Variants in NBAS observed in about 807,000 individuals in gnomAD.
NBAS encodes NAG/BC035112 fusion.
NBAS carries 219 observed loss-of-function variants against 302.5 expected under a neutral mutation model. The ratio of observed to expected loss-of-function variants is 0.72; its 90% confidence interval spans 0.65 to 0.81. NBAS has a LOEUF of 0.81. NBAS is among the 30% of genes least tolerant of loss of function. The pLI, the probability that NBAS is intolerant of heterozygous loss-of-function variation, is 0.00. For missense variants in NBAS, 2,932 were observed against 2,841.6 expected, an observed-to-expected ratio of 1.03 and a Z score of -0.72; for synonymous variants, 1,118 against 1,021.6, an observed-to-expected ratio of 1.09 and a Z score of -1.80.
chr2:15,299,959 A>G (rs1028027707), intron 40 of NBAS, among the ~76,000 whole-genome samples: 7 of 152,252 alleles, frequency 4.6e-5, no homozygotes, highest in Non-Finnish European at 8.8e-5. Flanking sequence ...GTTAATTAGA[A>G]CAAATACTAG....
At chr2:15,249,149 GCT>G (rs2147979736) in intron 44 of NBAS, among the ~76,000 whole-genome samples, 1 of 152,194 alleles carries the variant, frequency 6.6e-6, no homozygotes, top group Admixed American at 6.5e-5. Flanking sequence ...GGGATGCGAG[GCT>G]GGTTCAACAT....
intron 32 of NBAS, among the ~76,000 whole-genome samples, chr2:15,365,456 G>A (rs529054877): frequency 6.6e-6 from 1 of 152,310 alleles, no homozygotes; most frequent in East Asian, 1.9e-4. Flanking sequence ...AAGAAAGGGG[G>A]TATCATTCCT....
the NBAS span, among the ~76,000 whole-genome samples, chr2:15,136,506 G>T: frequency 6.6e-6 from 1 of 152,328 alleles, no homozygotes; most frequent in Non-Finnish European, 1.5e-5. Flanking sequence ...GTTTGGCAGA[G>T]GGCTGGATTT....
At chr2:14,822,887 T>A in the NBAS span, among the ~76,000 whole-genome samples, 1 of 152,186 alleles carries the variant, frequency 6.6e-6, no homozygotes, top group Non-Finnish European at 1.5e-5. Context: ...CTAAATGTAA[T>A]ATTTCACTTA....
In NBAS at chr2:15,458,076, C is replaced by T. The variant is rs146545598; in HGVS notation, c.2339+3125G>A. 4.8e-3 allele frequency among the ~76,000 whole-genome samples: 725 copies of T among 152,254 alleles called. 8 individuals are homozygous for T. The highest frequency in any genetic ancestry group is 0.016 in the African/African-American group (672 of 41,548). Reference sequence around the variant, plus strand: ...GTATACTCACTATACAAGCGCCGCCCTAACTGGGATCTGAACATAAGGAAG... The same window carrying T: ...GTATACTCACTATACAAGCGCCGCCTTAACTGGGATCTGAACATAAGGAAG... On this transcript the variant is annotated intron_variant, in intron 21 of 51. Transcript: ENST00000281513.
At chr2:14,966,943 G>A in the NBAS span, among the ~76,000 whole-genome samples, 5 of 152,192 alleles carry the variant, frequency 3.3e-5, no homozygotes, top group South Asian at 1.0e-3. Flanking sequence ...AGTGAGTTTA[G>A]CAAGGTTTTG....
At chr2:14,857,946 A>C in the NBAS span, among the ~76,000 whole-genome samples, 9 of 152,166 alleles carry the variant, frequency 5.9e-5, no homozygotes, top group Non-Finnish European at 1.2e-4. Context: ...TAATAACTAG[A>C]ATATATAAGG....
chr2:15,557,799 A>G (rs1384200854), intron 2 of NBAS, among the ~76,000 whole-genome samples: 2 of 152,130 alleles, frequency 1.3e-5, no homozygotes, highest in African/African-American at 4.8e-5. Flanking sequence ...TGATAAAAGG[A>G]CTCTATTAAT....
At chr2:14,998,953 T>C in the NBAS span, among the ~76,000 whole-genome samples, 177 of 152,294 alleles carry the variant, frequency 1.2e-3, no homozygotes, top group Admixed American at 2.4e-3. Context: ...TTAGTCCTAA[T>C]TAATGTTCAG....
At chr2:15,222,850 G>A (rs1667006443) in intron 47 of NBAS, among the ~76,000 whole-genome samples, 1 of 152,064 alleles carries the variant, frequency 6.6e-6, no homozygotes, top group African/African-American at 2.4e-5. Context: ...AGATATAGAA[G>A]GATTATCACT....
At chr2:14,848,542 C>T in the NBAS span, among the ~76,000 whole-genome samples, 5 of 142,480 alleles carry the variant, frequency 3.5e-5, no homozygotes, top group Admixed American at 2.7e-4. Context: ...GTAAACAAAG[C>T]GGCCAGGAAG....
chr2:14,784,842 C>A, the NBAS span, among the ~76,000 whole-genome samples: 1 of 152,072 alleles, frequency 6.6e-6, no homozygotes, highest in East Asian at 1.9e-4. Flanking sequence ...GCAGTTTTTT[C>A]CAATTCTGTG....
chr2:15,493,679 A>G (rs1680956344), intron 11 of NBAS, among the ~76,000 whole-genome samples: 2 of 152,100 alleles, frequency 1.3e-5, no homozygotes, highest in African/African-American at 2.4e-5. Flanking sequence ...AAAGAAAAAA[A>G]AAAAAAAGGT....
At chr2:15,339,704 A>T (rs1672758790) in intron 35 of NBAS, among the ~76,000 whole-genome samples, 1 of 152,232 alleles carries the variant, frequency 6.6e-6, no homozygotes, top group Non-Finnish European at 1.5e-5. Flanking sequence ...TGGGCTAGAA[A>T]GAAAAATAAA....
the NBAS span, among the ~76,000 whole-genome samples, chr2:14,784,427 C>T: frequency 1.3e-5 from 2 of 152,150 alleles, no homozygotes; most frequent in Non-Finnish European, 2.9e-5. Flanking sequence ...CCTAGGTTTT[C>T]TTCTAGGGTT....
chr2:15,480,589 T>C (rs937331393), intron 12 of NBAS, among the ~76,000 whole-genome samples: 1 of 152,138 alleles, frequency 6.6e-6, no homozygotes, highest in Non-Finnish European at 1.5e-5. Context: ...AGAAGTTTTA[T>C]GGTGGTATTC....
At chr2:14,930,739 C>G in the NBAS span, among the ~76,000 whole-genome samples, 1 of 152,170 alleles carries the variant, frequency 6.6e-6, no homozygotes, top group African/African-American at 2.4e-5. Context: ...CACTACTTAA[C>G]AAACAGACTC....
chr2:14,839,130 T>C, the NBAS span, among the ~76,000 whole-genome samples: 4 of 151,906 alleles, frequency 2.6e-5, no homozygotes, highest in Non-Finnish European at 5.9e-5. Context: ...ACCAAGATTA[T>C]ACTCAGCAAT....
At chr2:14,941,239 T>A in the NBAS span, among the ~76,000 whole-genome samples, 1 of 152,226 alleles carries the variant, frequency 6.6e-6, no homozygotes, top group African/African-American at 2.4e-5. Context: ...AGTCCAGGCA[T>A]CTGTGGAAAT....
Sources: allele counts gnomAD v4.1 joint callset (sites outside exome capture counted in the v4.1 genomes callset), GRCh38; gene constraint gnomAD v4.1.1; transcripts MANE v1.5; gene names NCBI Gene and HGNC (gene_info 2026-07-23, HGNC 2026-07-21).